Variants in CABLES1 observed in about 807,000 individuals in gnomAD.
CABLES1 encodes the protein Cdk5 and Abl enzyme substrate 1.
In CABLES1, 36 loss-of-function variants were observed where a neutral mutation model predicts 57.8. The ratio of observed to expected loss-of-function variants is 0.62; its 90% CI spans 0.48 to 0.82. CABLES1 has a LOEUF of 0.82. CABLES1 is among the 40% of genes least tolerant of loss of function. The pLI is 0.00. For missense variants in CABLES1, 767 were observed against 836.6 expected, an observed-to-expected ratio of 0.92 and a Z score of 1.03; for synonymous variants, 374 against 363.0, an observed-to-expected ratio of 1.03 and a Z score of -0.35.
intron 4 of CABLES1, among the ~76,000 whole-genome samples, chr18:23,219,867 G>A (rs149509483): frequency 8.5e-5 from 13 of 152,266 alleles, no homozygotes; most frequent in Middle Eastern, 3.4e-3. Context: ...GCAACTTCTC[G>A]AGCACCTACC....
chr18:23,212,816 A>G (rs972848319), intron 3 of CABLES1, among the ~76,000 whole-genome samples: 2 of 152,170 alleles, frequency 1.3e-5, no homozygotes, highest in African/African-American at 4.8e-5. Flanking sequence ...CACTCCGTGG[A>G]GGGGGTACTT....
intron 1 of CABLES1, among the ~76,000 whole-genome samples, chr18:23,140,561 C>T (rs563037732): frequency 1.4e-4 from 22 of 152,124 alleles, no homozygotes; most frequent in Non-Finnish European, 2.2e-4. Flanking sequence ...CTCAGCCTCC[C>T]GAGTAACTGG....
chr18:23,181,458 T>C (rs1484685583), intron 1 of CABLES1, among the ~76,000 whole-genome samples: 15 of 117,120 alleles, frequency 1.3e-4, no homozygotes, highest in African/African-American at 5.0e-4. Context: ...ATCACACCAT[T>C]GCACTCCAGC....
chr18:23,153,559 C>G (rs1218573267), intron 1 of CABLES1, among the ~76,000 whole-genome samples: 1 of 151,960 alleles, frequency 6.6e-6, no homozygotes, highest in African/African-American at 2.4e-5. Context: ...CATGGTGAAA[C>G]CCTGTCTCTA....
At chr18:23,245,883 C>A (rs2047864886) in intron 7 of CABLES1, among the ~76,000 whole-genome samples, 1 of 152,248 alleles carries the variant, frequency 6.6e-6, no homozygotes, top group African/African-American at 2.4e-5. Flanking sequence ...GGGTTAGAAC[C>A]CCCCATCCAT....
chr18:23,136,689 G>C, intron 1 of CABLES1, 82 bp downstream of exon 1: 1 of 925,492 alleles, frequency 1.1e-6, no homozygotes, highest in Non-Finnish European at 1.5e-6. Context: ...TGGGCTACGG[G>C]ACACGGGTTG....
intron 2 of CABLES1, among the ~76,000 whole-genome samples, chr18:23,193,079 A>G (rs2047256446): frequency 6.6e-6 from 1 of 152,130 alleles, no homozygotes; most frequent in Admixed American, 6.5e-5. Context: ...TTGGAGGCCT[A>G]GAGTTGGGTG....
At position 23,200,497 on chromosome 18, in the gene CABLES1, T is replaced by C. The variant is rs184359699; in HGVS notation, c.1010+5957T>C. 3.3e-3 allele frequency among the ~76,000 whole-genome samples: 497 copies of C among 152,166 alleles called. 3 individuals carry two copies. The highest frequency in any genetic ancestry group is 0.024 in the South Asian group (114 of 4,810). On this transcript the variant is annotated intron_variant, in intron 3 of 9. Transcript: ENST00000256925. Reference sequence around the variant, plus strand: ...CAGGAAGGTCTCGATCTCCTGACCTTGTGATCCGCCCGCCTTGGCCTCCCA... The same window carrying C: ...CAGGAAGGTCTCGATCTCCTGACCTCGTGATCCGCCCGCCTTGGCCTCCCA...
At chr18:23,177,733 T>C (rs2047135046) in intron 1 of CABLES1, among the ~76,000 whole-genome samples, 1 of 152,180 alleles carries the variant, frequency 6.6e-6, no homozygotes, top group African/African-American at 2.4e-5. Flanking sequence ...TGCCATGGCC[T>C]GCCTGCTCCC....
At chr18:23,221,295 C>T (rs556824020) in intron 4 of CABLES1, among the ~76,000 whole-genome samples, 8 of 152,306 alleles carry the variant, frequency 5.3e-5, no homozygotes, top group African/African-American at 1.4e-4. Context: ...GATAGGAAAT[C>T]GTCTGCTAGA....
At chr18:23,187,225 T>G (rs1474422582) in intron 1 of CABLES1, among the ~76,000 whole-genome samples, 2 of 152,212 alleles carry the variant, frequency 1.3e-5, no homozygotes, top group Non-Finnish European at 2.9e-5. Flanking sequence ...GGAAATTCAC[T>G]GTTAGTTAAT....
chr18:23,239,855 C>T (rs1256072710), intron 7 of CABLES1, among the ~76,000 whole-genome samples: 6 of 152,144 alleles, frequency 3.9e-5, no homozygotes, highest in African/African-American at 9.7e-5. Context: ...TGGTGGCTCA[C>T]GCCTGTAATC....
At chr18:23,141,809 C>G (rs1423124722) in intron 1 of CABLES1, among the ~76,000 whole-genome samples, 2 of 152,224 alleles carry the variant, frequency 1.3e-5, no homozygotes, top group Admixed American at 1.3e-4. Flanking sequence ...TCACATGGCT[C>G]TGCGCCACGT....
At chr18:23,201,668 G>A (rs1379506010) in intron 3 of CABLES1, among the ~76,000 whole-genome samples, 1 of 152,174 alleles carries the variant, frequency 6.6e-6, no homozygotes, top group Non-Finnish European at 1.5e-5. Context: ...TGCACTGTAG[G>A]AACATGTGTC....
chr18:23,186,179 G>A (rs1277981631), intron 1 of CABLES1, among the ~76,000 whole-genome samples: 7 of 152,210 alleles, frequency 4.6e-5, no homozygotes, highest in Admixed American at 4.6e-4. Context: ...CTTGAGTGGG[G>A]GCCAGAGCCT....
chr18:23,155,287 A>G (rs1253623670), intron 1 of CABLES1, among the ~76,000 whole-genome samples: 1 of 152,198 alleles, frequency 6.6e-6, no homozygotes, highest in Non-Finnish European at 1.5e-5. Flanking sequence ...CTTTGATTTT[A>G]TATTGTCACA....
chr18:23,182,155 TCA>T (rs1271010377), intron 1 of CABLES1, among the ~76,000 whole-genome samples: 21 of 152,348 alleles, frequency 1.4e-4, no homozygotes, highest in African/African-American at 5.1e-4. Context: ...TGTTTTGCTC[TCA>T]GAGAACACAG....
intron 1 of CABLES1, among the ~76,000 whole-genome samples, chr18:23,137,449 G>A (rs1288715502): frequency 6.6e-6 from 1 of 152,178 alleles, no homozygotes; most frequent in Non-Finnish European, 1.5e-5. Context: ...CGAGTAGGCG[G>A]GAACAGGTGG....
intron 1 of CABLES1, among the ~76,000 whole-genome samples, chr18:23,144,986 A>G (rs1487030090): frequency 2.1e-5 from 3 of 145,948 alleles, no homozygotes; most frequent in African/African-American, 7.7e-5. Context: ...CCCAGGCTGG[A>G]GTACAGTGGC....
Sources: allele counts gnomAD v4.1 joint callset (sites outside exome capture counted in the v4.1 genomes callset), GRCh38; gene constraint gnomAD v4.1.1; transcripts MANE v1.5; gene names NCBI Gene and HGNC (gene_info 2026-07-23, HGNC 2026-07-21).